Variants in ZNF160 observed in about 807,000 individuals in gnomAD.
The protein encoded by ZNF160 is KRAB zinc finger protein KR18.
A neutral mutation model predicts 13.1 loss-of-function variants in ZNF160; 9 were observed. That is an observed-to-expected ratio of 0.69 (90% CI 0.41 to 1.20). The LOEUF is 1.20. Among genes scored for constraint, ZNF160 ranks in the 50% most tolerant of loss-of-function variants. The probability of loss-of-function intolerance (pLI) is 0.01; values close to 1 mark genes in which losing one functional copy is unlikely to be tolerated. For missense variants in ZNF160, 838 were observed against 988.0 expected (o/e 0.85, Z 2.04); for synonymous variants, 293 against 333.2 (o/e 0.88, Z 1.31).
At chr19:53,073,997 T>A in intron 5 of ZNF160, 143 bp downstream of exon 5, 1 of 735,926 alleles carries the variant, frequency 1.4e-6, no homozygotes, top group South Asian at 1.9e-5. Flanking sequence ...ACAATGTTGG[T>A]CAGGCTGGTC....
intron 2 of ZNF160, among the ~76,000 whole-genome samples, chr19:53,086,601 C>A (rs764376799): frequency 1.4e-4 from 22 of 152,140 alleles, no homozygotes; most frequent in Non-Finnish European, 2.9e-4. Context: ...CTGGACTGAG[C>A]TCCCCTTTAG....
intron 1 of ZNF160, among the ~76,000 whole-genome samples, chr19:53,099,250 AC>A (rs1353720581): frequency 1.3e-5 from 2 of 152,190 alleles, no homozygotes; most frequent in Non-Finnish European, 2.9e-5. Context: ...CTGAGGCTAG[AC>A]CCGAAGGAGA....
chr19:53,071,915 A>G (rs982867970), intron 5 of ZNF160, among the ~76,000 whole-genome samples: 10 of 152,232 alleles, frequency 6.6e-5, no homozygotes, highest in Non-Finnish European at 1.5e-4. Context: ...AAGAGCTCAC[A>G]GGAAACATAA....
At chr19:53,073,649 A>G in intron 5 of ZNF160, 2 of 1,198,856 alleles carry the variant, frequency 1.7e-6, no homozygotes, top group Non-Finnish European at 2.2e-6. Context: ...AGACCAAGAA[A>G]GAAAGCAGTT....
At chr19:53,073,215 C>T in intron 5 of ZNF160, 1 of 1,429,654 alleles carries the variant, frequency 7.0e-7, no homozygotes, top group Non-Finnish European at 9.1e-7. Flanking sequence ...TAAGTGACAA[C>T]ATGCAGTACT....
intron 3 of ZNF160, chr19:53,085,923 TCATGGTTTA>T (rs1020852297): frequency 4.1e-6 from 4 of 970,874 alleles, no homozygotes; most frequent in Non-Finnish European, 6.2e-6. Context: ...GCTTCTGTTA[TCATGGTTTA>T]CACAGCGCTG....
At chr19:53,074,392 G>A (rs1189738359) in intron 4 of ZNF160, 124 bp from the exon 5 acceptor site, 3 of 1,445,860 alleles carry the variant, frequency 2.1e-6, no homozygotes, top group African/African-American at 1.4e-5. Context: ...ACTGGGCCAG[G>A]CGCGGTGGCT....
intron 5 of ZNF160, among the ~76,000 whole-genome samples, chr19:53,071,172 G>A (rs1345401928): frequency 6.6e-6 from 1 of 152,060 alleles, no homozygotes; most frequent in East Asian, 1.9e-4. Flanking sequence ...CTCCAACCTG[G>A]GCGACAAAGC....
chr19:53,068,662 A>T lies in ZNF160; in HGVS notation c.1872T>A (p.His624Gln). 1 of 1,614,046 alleles carries T rather than the reference A, an allele frequency of 6.2e-7. No homozygotes were observed. The highest frequency in any genetic ancestry group is 8.5e-7 in the Non-Finnish European group (1 of 1,180,012). Residue 624 changes from histidine (H) to glutamine (Q), a missense_variant, in exon 6 of 6, where the codon CAT (histidine) becomes CAA (glutamine). His to Gln is a conservative substitution (Grantham distance 24). This residue lies in a region of ZNF160 where 400 missense variants were observed against 538.9 expected (regional missense o/e 0.74). Coordinates refer to ENST00000683776, the MANE Select transcript of ZNF160 (RefSeq NM_001322131.2). The part of the protein sequence containing the change: ...IHTGEKPYKC[H>Q]ECGKVFRHNS... ...TGTGCCTAAAAACCTTGCCGCATTC[A>T]TGACATTTGTAAGGTTTCTCTCCAG...
rs376170454 is a variant in ZNF160, at chr19:53,070,033, G to C, written c.501C>G (p.Arg167=). The change falls in exon 6 of 6, where the codon CGC becomes CGG. Residue 167 remains arginine, a synonymous_variant. Coordinates refer to ENST00000683776, the MANE Select transcript of ZNF160 (RefSeq NM_001322131.2). Reference sequence around the variant, plus strand: ...GCTTGTTTTCTATGTCTCTTCTGTCGCGTTGATCTCTTTTACCTTCTTTCT... The same window carrying C: ...GCTTGTTTTCTATGTCTCTTCTGTCCCGTTGATCTCTTTTACCTTCTTTCT... ...MAQKEGKRDQ[R]DRRDIENKLM... 3 of 1,613,824 alleles carry C rather than the reference G, an allele frequency of 1.9e-6. No homozygotes were observed. Among genetic ancestry groups the C allele is most frequent in the African/African-American group, 1.3e-5 (1 of 74,880 alleles).
At chr19:53,079,382 C>G (rs1029880869) in intron 3 of ZNF160, among the ~76,000 whole-genome samples, 10 of 151,824 alleles carry the variant, frequency 6.6e-5, no homozygotes, top group African/African-American at 2.4e-4. Context: ...GAAACCCCGT[C>G]TCTACTAAAT....
In ZNF160 at chr19:53,085,306, A is replaced by G. The variant is rs897386956; in HGVS notation, c.15+956T>C. 17 of 703,518 alleles carry G rather than the reference A, an allele frequency of 2.4e-5. No homozygotes were observed. In the Admixed American group the frequency reaches 1.0e-3, roughly 42 times the overall value. The allele number at this position is 703,518 out of a possible 1,614,324, so 43.6% of individuals were successfully genotyped here. On this transcript the variant is annotated intron_variant, in intron 3 of 5. Transcript: ENST00000683776. ...CTGAGGAATTTGTTTAAATCTCATA[A>G]TGATGTCAAAATACATTTCTACAGG...
At chr19:53,098,911 A>AGAG (rs2085339519) in intron 1 of ZNF160, among the ~76,000 whole-genome samples, 1 of 150,582 alleles carries the variant, frequency 6.6e-6, no homozygotes, top group Non-Finnish European at 1.5e-5. Flanking sequence ...GCTCTTACAT[A>AGAG]GACTGGAATA....
In ZNF160 at chr19:53,068,832, T is replaced by G; in HGVS notation, c.1702A>C (p.Asn568His). 6.2e-7 allele frequency: 1 copy of G among 1,614,142 alleles called. No individual in the cohort carries two copies. Among genetic ancestry groups the G allele is most frequent in the Non-Finnish European group, 8.5e-7 (1 of 1,179,972 alleles). Residue 568 changes from asparagine (N) to histidine (H), a missense_variant, in exon 6 of 6, where the codon AAT (asparagine) becomes CAT (histidine). Asn to His is a moderately conservative substitution (Grantham distance 68). Coordinates refer to ENST00000683776, the MANE Select transcript of ZNF160 (RefSeq NM_001322131.2). ...TGAGCGAAGACTTTACCACATTCAT[T>G]ACACTTGTAAGGTTTCTCTCCAGAA... ...IHSGEKPYKC[N>H]ECGKVFAQTS...
At chr19:53,088,882 G>C (rs1027031909) in intron 2 of ZNF160, among the ~76,000 whole-genome samples, 1 of 152,144 alleles carries the variant, frequency 6.6e-6, no homozygotes, top group Non-Finnish European at 1.5e-5. Flanking sequence ...ACAGCTTGAG[G>C]GTTCAGTCGC....
chr19:53,071,785 T>A (rs2084186429), intron 5 of ZNF160, among the ~76,000 whole-genome samples: 1 of 152,126 alleles, frequency 6.6e-6, no homozygotes, highest in Admixed American at 6.6e-5. Context: ...TCACGGCACA[T>A]ACCAATTGGC....
intron 1 of ZNF160, 98 bp from the exon 2 acceptor site, chr19:53,091,818 A>G (rs1568501309): frequency 6.6e-6 from 1 of 152,244 alleles, no homozygotes; most frequent in East Asian, 1.9e-4. Flanking sequence ...GGAGTGTACA[A>G]TTTCATGCTG....
intron 5 of ZNF160, among the ~76,000 whole-genome samples, chr19:53,073,895 C>T (rs2084278763): frequency 6.6e-6 from 1 of 152,156 alleles, no homozygotes; most frequent in Admixed American, 6.6e-5. Flanking sequence ...AAGCAATTCT[C>T]TTGCCTCAGC....
chr19:53,067,923 G>T lies in ZNF160; in HGVS notation c.*154C>A. ...CCTGGATAGACCCTCTGCCACATAT[G>T]TTTACATGATGTCTCTTGCTTATGG... On this transcript the variant is annotated 3_prime_UTR_variant, in exon 6 of 6. Transcript: ENST00000683776. 9.3e-7 allele frequency: 1 copy of T among 1,078,846 alleles called. No individual in the cohort carries two copies. The highest frequency in any genetic ancestry group is 1.3e-6 in the Non-Finnish European group (1 of 761,622). 66.8% of individuals were successfully genotyped at this position (1,078,846 alleles called of 1,614,324 possible). A position where few individuals can be genotyped will look rare whatever the true frequency, so the allele number is the denominator to read the frequency against.
Sources: gnomAD v4.1 joint callset for allele counts (sites outside exome capture counted in the v4.1 genomes callset) on GRCh38, gnomAD v4.1.1 for gene constraint, gnomAD v4.1.1 regional missense constraint, MANE v1.5 for transcripts, NCBI Gene and HGNC (gene_info 2026-07-23, HGNC 2026-07-21) for gene names.